Variants in PALM observed in about 807,000 individuals in gnomAD.
PALM encodes paralemmin-1.
Under a neutral mutation model 30.7 loss-of-function variants are expected in PALM, and 18 were observed. That is an observed-to-expected ratio of 0.59 (90% CI 0.41 to 0.87). The LOEUF (loss-of-function observed/expected upper bound fraction) is 0.87, where lower values mean the gene tolerates loss of function less well. PALM is among the 40% of genes least tolerant of loss of function. PALM has a pLI of 0.00. For synonymous variants in PALM, 286 were observed against 242.8 expected (o/e 1.18, Z -1.66); for missense variants, 529 against 555.4 (o/e 0.95, Z 0.48).
rs1308418499 is a variant in PALM, at chr19:742,554, G to C, written c.634+2071G>C. Among the ~76,000 whole-genome samples, 2 of 151,536 alleles carry C rather than the reference G, an allele frequency of 1.3e-5. No homozygotes were observed. The highest frequency in any genetic ancestry group is 2.4e-5 in the African/African-American group (1 of 41,214). ...CAGGAGGCGGAGGTTGCAGTGAGCC[G>C]AGATCGCGCCACTGCTCTCCAGCCT... is the stretch of plus-strand genomic sequence containing the variant. On this transcript the variant is annotated intron_variant, in intron 8 of 8. Transcript: ENST00000338448. This position sits in a 1 kb window ranked among gnomAD's most constrained non-coding sequence, Gnocchi z 5.5.
intron 3 of PALM, 65 bp downstream of exon 3, chr19:727,153 T>A: frequency 9.1e-7 from 1 of 1,101,108 alleles, no homozygotes; most frequent in Middle Eastern, 2.1e-4. Context: ...GGCCCCGGAC[T>A]CCTGCCCAAC....
chr19:741,770 G>T (rs1352962245), intron 8 of PALM, among the ~76,000 whole-genome samples: 1 of 152,086 alleles, frequency 6.6e-6, no homozygotes, highest in Non-Finnish European at 1.5e-5. Flanking sequence ...CAAACAGGCT[G>T]TGGGAGATGC....
In PALM at chr19:742,996, C is replaced by T. The variant is rs1041775084; in HGVS notation, c.634+2513C>T. Reference sequence around the variant, plus strand: ...CTGTTTTCCACGGAGGCTGCACCGTCCCGTTCCCACAGGTCGTGGATGAGG... The same window carrying T: ...CTGTTTTCCACGGAGGCTGCACCGTTCCGTTCCCACAGGTCGTGGATGAGG... On this transcript the variant is annotated intron_variant, in intron 8 of 8. Transcript: ENST00000338448. The surrounding 1 kb of genome is among the most constrained non-coding windows in gnomAD (Gnocchi z 5.5). 6.6e-6 allele frequency among the ~76,000 whole-genome samples: 1 copy of T among 152,150 alleles called. No homozygotes were observed. The highest frequency in any genetic ancestry group is 1.5e-5 in the Non-Finnish European group (1 of 68,028).
At chr19:726,965 G>GGGGGGGGGACCCCGCC in intron 2 of PALM, 43 bp from the exon 3 acceptor site, 1 of 1,037,618 alleles carries the variant, frequency 9.6e-7, no homozygotes, top group Non-Finnish European at 1.4e-6. Flanking sequence ...GGGTCTCCGG[G>GGGGGGGGGACCCCGCC]ACCCCCACGC....
chr19:710,293 C>G (rs1467323184), intron 1 of PALM, among the ~76,000 whole-genome samples: 1 of 152,216 alleles, frequency 6.6e-6, no homozygotes, highest in African/African-American at 2.4e-5. Flanking sequence ...AAGCGAGACA[C>G]CCAGTGTCCT....
intron 1 of PALM, among the ~76,000 whole-genome samples, chr19:722,094 G>GT (rs1003294945): frequency 8.7e-5 from 13 of 148,688 alleles, no homozygotes; most frequent in African/African-American, 3.2e-4. Context: ...AATTTTTTGT[G>GT]TTTTTAGTAG....
chr19:714,358 CT>C (rs34617281), intron 1 of PALM, among the ~76,000 whole-genome samples: 5,275 of 104,570 alleles, frequency 0.05, 127 homozygotes, highest in African/African-American at 0.076. Context: ...TTTTTTCTTT[CT>C]TTTTTTTTTT....
chr19:726,533 C>T (rs1212829153), intron 2 of PALM, among the ~76,000 whole-genome samples: 3 of 152,118 alleles, frequency 2.0e-5, no homozygotes, highest in Admixed American at 6.6e-5. Flanking sequence ...CCCAAGAAGG[C>T]CCTCTTGGTG....
chr19:727,577 G>A lies in PALM; in HGVS notation c.152G>A (p.Arg51Gln), dbSNP rs866669931. Residue 51 changes from arginine to glutamine, a missense_variant, in exon 4 of 9, where the codon CGG becomes CAG. Transcript: ENST00000338448. ...QLQHLKSKAL[R>Q]ERWLLEGTPS... ...CCTGCTGCTCAGTCCAAGGCACTGCGGGAGCGCTGGCTGCTGGAGGGGACG... is the reference window on the plus strand; with the variant it reads ...CCTGCTGCTCAGTCCAAGGCACTGCAGGAGCGCTGGCTGCTGGAGGGGACG... 1.9e-6 allele frequency: 3 copies of A among 1,588,532 alleles called. No individual in the cohort carries two copies. The highest frequency in any genetic ancestry group is 2.6e-6 in the Non-Finnish European group (3 of 1,168,436).
chr19:711,258 G>T, intron 1 of PALM: 2 of 871,078 alleles, frequency 2.3e-6, no homozygotes, highest in South Asian at 5.3e-5. Context: ...GAATCTCTGT[G>T]CTCTGGGAGG....
chr19:739,805 G>A (rs554191436), intron 7 of PALM, among the ~76,000 whole-genome samples: 28 of 151,930 alleles, frequency 1.8e-4, no homozygotes, highest in Admixed American at 1.2e-3. Context: ...GAGAAACCCC[G>A]TCTCTACTAA....
Position 731,127 on chromosome 19 carries a change from G to C in PALM, c.302G>C (p.Gly101Ala). 1 of 1,604,404 alleles carries C rather than the reference G, an allele frequency of 6.2e-7. No individual in the cohort carries two copies. The highest frequency in any genetic ancestry group is 8.5e-7 in the Non-Finnish European group (1 of 1,176,296). ...AAGGAAATTGAGGTGCTGGAGCGTG[G>C]AGACTCCGCCCCAGCCACTGCCAAG... The part of the protein sequence containing the change: ...LEKEIEVLER[G>A]DSAPATAKEN... The change falls in exon 5 of 9, where the codon GGA becomes GCA. Residue 101 changes from glycine to alanine, a missense_variant. By Grantham distance (60) the Gly-to-Ala change is moderately conservative. Coordinates refer to ENST00000338448, the MANE Select transcript of PALM (RefSeq NM_002579.3).
At chr19:744,358 C>G (rs1315331532) in intron 8 of PALM, among the ~76,000 whole-genome samples, 3 of 148,880 alleles carry the variant, frequency 2.0e-5, no homozygotes, top group African/African-American at 7.4e-5. Context: ...CGAGATGGCA[C>G]CACTGCACTC....
In PALM at chr19:727,656, C is replaced by T. The variant is rs139932478; in HGVS notation, c.231C>T (p.Asp77=). ...ACCTGAGGAGGCAGATGCAGGACGACGAGCAGAAGACACGGCTGCTGGAGG... is the reference window on the plus strand; with the variant it reads ...ACCTGAGGAGGCAGATGCAGGACGATGAGCAGAAGACACGGCTGCTGGAGG... The part of the protein sequence containing the change: ...DEDLRRQMQD[D]EQKTRLLEDS... Residue 77 remains aspartate (D), a synonymous_variant, in exon 4 of 9, where the codon GAC becomes GAT. Transcript: ENST00000338448. The T allele has an allele frequency of 9.2e-5, 144 of 1,568,616 alleles. No individual in the cohort carries two copies. Among genetic ancestry groups the T allele is most frequent in the Non-Finnish European group, 1.1e-4 (122 of 1,156,528 alleles).
At position 727,034 on chromosome 19, in the gene PALM, C is replaced by CGAGAACAAGCGCCGGCAGCTG; in HGVS notation, c.88_108dup (p.Asn30_Glu36dup). ...AGAAGCGGAAGCGGCAGGCGGAGAT[C>CGAGAACAAGCGCCGGCAGCTG]GAGAACAAGCGCCGGCAGCTGGAGG... On this transcript the variant is annotated inframe_insertion, in exon 3 of 9. Coordinates refer to ENST00000338448, the MANE Select transcript of PALM (RefSeq NM_002579.3). The CGAGAACAAGCGCCGGCAGCTG allele has an allele frequency of 7.6e-7, 1 of 1,319,012 alleles. No homozygotes were observed. Among genetic ancestry groups the CGAGAACAAGCGCCGGCAGCTG allele is most frequent in the Non-Finnish European group, 1.0e-6 (1 of 990,490 alleles). The allele number at this position is 1,319,012 out of a possible 1,614,324, so 81.7% of individuals were successfully genotyped here. A position where few individuals can be genotyped will look rare whatever the true frequency, so the allele number is the denominator to read the frequency against.
chr19:734,077 C>A, intron 5 of PALM, 96 bp from the exon 6 acceptor site: 1 of 1,133,366 alleles, frequency 8.8e-7, no homozygotes, highest in Non-Finnish European at 1.3e-6. Context: ...ACGTCACCCA[C>A]TGTGCCATGC....
chr19:729,397 C>T (rs558880923), intron 4 of PALM, among the ~76,000 whole-genome samples: 1 of 151,484 alleles, frequency 6.6e-6, no homozygotes, highest in South Asian at 2.1e-4. Context: ...GAGTGTTACC[C>T]ACTCCCTGGG....
At chr19:737,394 T>C (rs921378093) in intron 7 of PALM, among the ~76,000 whole-genome samples, 1 of 151,898 alleles carries the variant, frequency 6.6e-6, no homozygotes, top group Non-Finnish European at 1.5e-5. Flanking sequence ...AGCTATAGAG[T>C]TGAAAAACAG....
Position 731,257 on chromosome 19 carries a change from A to G in PALM, c.420+12A>G, listed in dbSNP as rs767684996. 5 of 1,595,748 alleles carry G rather than the reference A, an allele frequency of 3.1e-6. No homozygotes were observed. The highest frequency in any genetic ancestry group is 4.3e-6 in the Non-Finnish European group (5 of 1,172,238). ...TGAATTCACAGCAGGTAAGGGGGTG[A>G]CTGGGGGGAGCGGATCCCCAGGCAC... On this transcript the variant is annotated intron_variant, in intron 5 of 8. Coordinates refer to ENST00000338448, the MANE Select transcript of PALM (RefSeq NM_002579.3).
Sources: gnomAD v4.1 joint callset for allele counts (sites outside exome capture counted in the v4.1 genomes callset) on GRCh38, gnomAD v4.1.1 for gene constraint, Gnocchi (gnomAD v3.1) non-coding constraint, MANE v1.5 for transcripts, NCBI Gene and HGNC (gene_info 2026-07-23, HGNC 2026-07-21) for gene names.